The following ACBD6 variants were observed in gnomAD, a reference collection of about 807,000 sequenced individuals.
ACBD6 encodes acyl-CoA-binding domain-containing protein 6.
In ACBD6, 28 loss-of-function variants were observed where a neutral mutation model predicts 37.2. That is an observed-to-expected ratio of 0.75 (90% CI 0.56 to 1.03). ACBD6 has a LOEUF of 1.03. ACBD6 is among the 50% of genes least tolerant of loss of function. The pLI, the probability that ACBD6 is intolerant of heterozygous loss-of-function variation, is 0.00. For missense variants in ACBD6, 340 were observed against 337.4 expected, an observed-to-expected ratio of 1.01 and a Z score of -0.06; for synonymous variants, 113 against 126.8, an observed-to-expected ratio of 0.89 and a Z score of 0.73.
At chr1:180,327,437 C>T (rs1348175450) in intron 6 of ACBD6, among the ~76,000 whole-genome samples, 1 of 152,158 alleles carries the variant, frequency 6.6e-6, no homozygotes, top group Non-Finnish European at 1.5e-5. Flanking sequence ...GTTTCCTACC[C>T]TCTTCAGTGC....
downstream of ACBD6, among the ~76,000 whole-genome samples, chr1:180,287,578 CTTTTTTTTTTT>C (rs72179174): frequency 5.6e-5 from 4 of 71,570 alleles, no homozygotes; most frequent in East Asian, 1.8e-3. Flanking sequence ...CAGATCTAAG[CTTTTTTTTTTT>C]TTTTTTTTTT....
chr1:180,386,229 G>A (rs559444329), intron 6 of ACBD6, among the ~76,000 whole-genome samples: 1 of 152,298 alleles, frequency 6.6e-6, no homozygotes, highest in Admixed American at 6.5e-5. Flanking sequence ...GGTGTATTAA[G>A]TGTATTTTCA....
rs1041137859 is a variant in ACBD6 at position 180,388,189 on chromosome 1, A to G, written c.663+9327T>C. ...AGACTCCGTCTCAAAAAAAAAAAAA[A>G]AAAGAAAAAGAAAACCCAGAGAAAT... On this transcript the variant is annotated intron_variant, in intron 6 of 7. Coordinates refer to ENST00000367595, the MANE Select transcript of ACBD6 (RefSeq NM_032360.4). 2.6e-5 allele frequency among the ~76,000 whole-genome samples: 4 copies of G among 151,784 alleles called. 1 individual carries two copies. The South Asian group carries it at 8.3e-4, about 32-fold the overall frequency.
intron 7 of ACBD6, 103 bp downstream of exon 7, chr1:180,314,589 G>T: frequency 1.1e-6 from 1 of 947,774 alleles, no homozygotes; most frequent in Non-Finnish European, 1.6e-6. Flanking sequence ...TCTGCTAGCT[G>T]CCAGGTACCT....
At chr1:180,433,048 C>T (rs541276216) in intron 3 of ACBD6, among the ~76,000 whole-genome samples, 28 of 152,296 alleles carry the variant, frequency 1.8e-4, no homozygotes, top group African/African-American at 6.3e-4. Context: ...ACACTTCTAA[C>T]TCATTTTATG....
intron 6 of ACBD6, among the ~76,000 whole-genome samples, chr1:180,378,428 T>C (rs1229752856): frequency 6.6e-6 from 1 of 152,182 alleles, no homozygotes; most frequent in Non-Finnish European, 1.5e-5. Flanking sequence ...GAAATTCAAA[T>C]AAGGTCTGTA....
Position 180,421,161 on chromosome 1 carries a change from C to T in ACBD6, c.468-7690G>A, listed in dbSNP as rs1648346240. On this transcript the variant is annotated intron_variant, in intron 4 of 7. Coordinates refer to ENST00000367595, the MANE Select transcript of ACBD6 (RefSeq NM_032360.4). ...CATTAGCTAGCTGTTCCACCTGATG[C>T]TCTCCCTCCCCCTACTCCCCAAGGA... Among the ~76,000 whole-genome samples, 4 of 152,124 alleles carry T rather than the reference C, an allele frequency of 2.6e-5. No individual in the cohort carries two copies. The South Asian group carries it at 8.3e-4, about 32-fold the overall frequency.
chr1:180,370,672 T>C (rs532194956), intron 6 of ACBD6, among the ~76,000 whole-genome samples: 94 of 152,274 alleles, frequency 6.2e-4, no homozygotes, highest in Middle Eastern at 3.4e-3. Context: ...TATGGAACTA[T>C]CGTGTGTGTG....
chr1:180,300,455 C>T (rs903634810), intron 7 of ACBD6, among the ~76,000 whole-genome samples: 1 of 151,976 alleles, frequency 6.6e-6, no homozygotes, highest in Admixed American at 6.6e-5. Flanking sequence ...AATCCAGTGA[C>T]CTAGTGAAAA....
chr1:180,285,058 C>G (rs1649439975), downstream of ACBD6, among the ~76,000 whole-genome samples: 1 of 152,072 alleles, frequency 6.6e-6, no homozygotes, highest in South Asian at 2.1e-4. Flanking sequence ...ATTGCTTGAG[C>G]CAGGGAAGTC....
chr1:180,318,174 C>CCA (rs1650904126), intron 6 of ACBD6, among the ~76,000 whole-genome samples: 1 of 96,112 alleles, frequency 1.0e-5, no homozygotes, highest in Non-Finnish European at 2.0e-5. Context: ...CCCCCCCCCC[C>CCA]CAAAAAAAAA....
intron 1 of ACBD6, among the ~76,000 whole-genome samples, chr1:180,501,017 T>C (rs1448540451): frequency 6.6e-6 from 1 of 152,182 alleles, no homozygotes; most frequent in African/African-American, 2.4e-5. Flanking sequence ...CCAACCAATG[T>C]CACCCTGAAT....
chr1:180,435,114 G>A, intron 3 of ACBD6: 1 of 741,726 alleles, frequency 1.3e-6, no homozygotes, highest in African/African-American at 1.7e-5. Context: ...TAACACTGGG[G>A]AAAAAAAAGC....
At chr1:180,332,855 T>C (rs1396830630) in intron 6 of ACBD6, among the ~76,000 whole-genome samples, 2 of 152,178 alleles carry the variant, frequency 1.3e-5, no homozygotes, top group African/African-American at 2.4e-5. Flanking sequence ...CTGAGTTAGA[T>C]AAATGACCTT....
intron 4 of ACBD6, among the ~76,000 whole-genome samples, chr1:180,419,123 C>T (rs1224912608): frequency 2.0e-5 from 3 of 152,104 alleles, no homozygotes; most frequent in Admixed American, 6.5e-5. Context: ...TGGTGGTGGG[C>T]GCCTGTAGTC....
At chr1:180,484,172 T>C (rs1651167020) in intron 3 of ACBD6, among the ~76,000 whole-genome samples, 1 of 152,118 alleles carries the variant, frequency 6.6e-6, no homozygotes, top group African/African-American at 2.4e-5. Flanking sequence ...TAAAGAAAAT[T>C]ATTACACTTC....
chr1:180,289,729 A>T (rs925591602), intron 7 of ACBD6, among the ~76,000 whole-genome samples: 12 of 152,250 alleles, frequency 7.9e-5, no homozygotes, highest in African/African-American at 2.7e-4. Flanking sequence ...AATCCTGTAG[A>T]ACACTGGAAA....
intron 6 of ACBD6, among the ~76,000 whole-genome samples, chr1:180,385,213 T>C (rs1653806551): frequency 1.3e-5 from 2 of 151,606 alleles, no homozygotes; most frequent in Non-Finnish European, 2.9e-5. Context: ...TTACACATTC[T>C]ATACATGCAA....
In ACBD6 at chr1:180,379,688, G is replaced by A. The variant is rs141794603; in HGVS notation, c.663+17828C>T. On this transcript the variant is annotated intron_variant, in intron 6 of 7. Transcript: ENST00000367595. ...TCTCAGAACTTGAAGACAGGTCTTC[G>A]CAGATACCTCAGCCAAACAAACATA... is the stretch of plus-strand genomic sequence containing the variant. Among the ~76,000 whole-genome samples the A allele has an allele frequency of 3.3e-5, 5 of 152,166 alleles. No individual in the cohort carries two copies. In the South Asian group the frequency reaches 6.2e-4, roughly 19 times the overall value.
Sources: gnomAD v4.1 joint callset for allele counts (sites outside exome capture counted in the v4.1 genomes callset) on GRCh38, gnomAD v4.1.1 for gene constraint, MANE v1.5 for transcripts, NCBI Gene and HGNC (gene_info 2026-07-23, HGNC 2026-07-21) for gene names.